ALDH1A1: variants seen among roughly 807,000 people sequenced by gnomAD.
ALDH1A1 encodes aldehyde dehydrogenase 1A1.
In ALDH1A1, 19 loss-of-function variants were observed where a neutral mutation model predicts 62.1. The observed-to-expected ratio is 0.31, with a 90% confidence interval of 0.21 to 0.45. The LOEUF (loss-of-function observed/expected upper bound fraction) is 0.45. ALDH1A1 is among the 20% of genes least tolerant of loss of function. ALDH1A1 has a pLI of 1.00. For missense variants in ALDH1A1, 521 were observed against 607.1 expected, an observed-to-expected ratio of 0.86 and a Z score of 1.49; for synonymous variants, 231 against 215.9, an observed-to-expected ratio of 1.07 and a Z score of -0.61.
At chr9:72,919,348 T>C (rs571360063) in intron 7 of ALDH1A1, among the ~76,000 whole-genome samples, 3 of 152,308 alleles carry the variant, frequency 2.0e-5, no homozygotes, top group African/African-American at 7.2e-5. Context: ...ACATATTCAC[T>C]ACCTCTTGAA....
intron 2 of ALDH1A1, among the ~76,000 whole-genome samples, chr9:72,938,603 T>A (rs935177497): frequency 2.6e-5 from 4 of 152,060 alleles, no homozygotes; most frequent in African/African-American, 9.7e-5. Context: ...TGCGCCACCA[T>A]GCCCAGCTAA....
In ALDH1A1 at chr9:72,901,215, T is replaced by C. The variant is rs1375693325; in HGVS notation, c.1499A>G (p.Asn500Ser). 2 of 1,605,768 alleles carry C rather than the reference T, an allele frequency of 1.2e-6. No individual in the cohort carries two copies. The highest frequency in any genetic ancestry group is 1.7e-6 in the Non-Finnish European group (2 of 1,173,728). The change falls in exon 13 of 13, where the codon AAC becomes AGC. Residue 500 changes from asparagine to serine, a missense_variant. Coordinates refer to ENST00000297785, the MANE Select transcript of ALDH1A1 (RefSeq NM_000689.5). ...TCCACTCTTGTATTTTCTTTATGAGTTCTTCTGAGAGATTTTCACTGTGAC... is the reference window on the plus strand; with the variant it reads ...TCCACTCTTGTATTTTCTTTATGAGCTCTTCTGAGAGATTTTCACTGTGAC... ...KTVTVKISQK[N>S]S
At chr9:72,932,964 C>T (rs1391947625) in intron 2 of ALDH1A1, among the ~76,000 whole-genome samples, 1 of 152,170 alleles carries the variant, frequency 6.6e-6, no homozygotes, top group African/African-American at 2.4e-5. Flanking sequence ...ATACGGAGAA[C>T]TGGCTTCAAG....
intron 1 of ALDH1A1, among the ~76,000 whole-genome samples, chr9:72,942,956 A>T (rs1376715962): frequency 6.6e-6 from 1 of 152,108 alleles, no homozygotes; most frequent in Non-Finnish European, 1.5e-5. Context: ...AGATATCTAC[A>T]TATCAGCCCA....
intron 5 of ALDH1A1, 70 bp downstream of exon 5, chr9:72,927,046 A>C (rs8187925): frequency 0.028 from 31,154 of 1,111,062 alleles, 901 homozygotes; most frequent in South Asian, 0.088. Flanking sequence ...GTTTTAGAGA[A>C]AGCTTCATCA....
intron 9 of ALDH1A1, 77 bp from the exon 10 acceptor site, chr9:72,912,199 G>C (rs1347428406): frequency 7.7e-7 from 1 of 1,300,956 alleles, no homozygotes; most frequent in Non-Finnish European, 1.1e-6. Flanking sequence ...CTGTTAACAA[G>C]GGCTTCAAAA....
chr9:72,938,230 T>G (rs1035635369), intron 2 of ALDH1A1, among the ~76,000 whole-genome samples: 2 of 152,084 alleles, frequency 1.3e-5, no homozygotes, highest in Non-Finnish European at 2.9e-5. Context: ...CCCAGTAGTC[T>G]TTTCCTGCAG....
At chr9:72,901,543 C>G (rs1251953860) in intron 12 of ALDH1A1, among the ~76,000 whole-genome samples, 1 of 151,972 alleles carries the variant, frequency 6.6e-6, no homozygotes, top group African/African-American at 2.4e-5. Context: ...CATAAATTGT[C>G]CCCTTTTGAC....
At chr9:72,948,653 CA>C (rs1314549907) in intron 1 of ALDH1A1, among the ~76,000 whole-genome samples, 8 of 151,880 alleles carry the variant, frequency 5.3e-5, no homozygotes, top group Non-Finnish European at 2.9e-5. Flanking sequence ...TCTCAGCTTT[CA>C]GTTATTTTGC....
chr9:72,928,270 T>C (rs1830235968), intron 4 of ALDH1A1, among the ~76,000 whole-genome samples: 1 of 152,100 alleles, frequency 6.6e-6, no homozygotes, highest in South Asian at 2.1e-4. Flanking sequence ...ACATGAAATA[T>C]CTTTAGTATT....
At chr9:72,906,316 T>C (rs1247633588) in intron 11 of ALDH1A1, among the ~76,000 whole-genome samples, 1 of 152,170 alleles carries the variant, frequency 6.6e-6, no homozygotes, top group African/African-American at 2.4e-5. Context: ...AAAGATAGAA[T>C]AGTCACTATG....
chr9:72,944,510 T>C (rs1271474090), intron 1 of ALDH1A1, among the ~76,000 whole-genome samples: 9 of 152,066 alleles, frequency 5.9e-5, no homozygotes, highest in Non-Finnish European at 1.0e-4. Flanking sequence ...GAGCTTTACA[T>C]TGGGCATTTG....
Position 72,900,829 on chromosome 9 carries a change from A to G in ALDH1A1, c.*379T>C. ...GAACAGAGCAATTTACTCTGCAGTT[A>G]ACGTGTATGTTAAGTACTTCAAGAG... On this transcript the variant is annotated 3_prime_UTR_variant, in exon 13 of 13. Transcript: ENST00000297785. 6.1e-6 allele frequency: 1 copy of G among 163,602 alleles called. No individual in the cohort carries two copies. 10.1% of individuals were successfully genotyped at this position (163,602 alleles called of 1,614,324 possible).
chr9:72,938,457 T>A (rs550241856), intron 2 of ALDH1A1, among the ~76,000 whole-genome samples: 26 of 152,276 alleles, frequency 1.7e-4, no homozygotes, highest in South Asian at 1.0e-3. Flanking sequence ...TTTTATTTTT[T>A]ATTTTTTGAG....
At chr9:72,929,105 G>C (rs1201104198) in intron 3 of ALDH1A1, 84 bp from the exon 4 acceptor site, 1 of 1,437,414 alleles carries the variant, frequency 7.0e-7, no homozygotes, top group African/African-American at 1.4e-5. Context: ...GCAATCATGT[G>C]CTAGGGAATT....
At chr9:72,948,880 A>G (rs1830504510) in intron 1 of ALDH1A1, among the ~76,000 whole-genome samples, 1 of 151,820 alleles carries the variant, frequency 6.6e-6, no homozygotes, top group African/African-American at 2.4e-5. Flanking sequence ...AAACAAGCAA[A>G]GGGGACAAAG....
At chr9:72,925,406 G>A in intron 6 of ALDH1A1, 78 bp downstream of exon 6, 1 of 1,518,616 alleles carries the variant, frequency 6.6e-7, no homozygotes, top group South Asian at 1.2e-5. Context: ...GTACTTTATA[G>A]TAGCAACAAA....
rs973323120 is a variant in ALDH1A1, at chr9:72,923,836, A to G, written c.747+183T>C. On this transcript the variant is annotated intron_variant, in intron 7 of 12. Coordinates refer to ENST00000297785, the MANE Select transcript of ALDH1A1 (RefSeq NM_000689.5). ...TCTCATTCTGATTTAAAATAGGTGCATCATGTCATTCAAACTACATCTGCT... is the reference window on the plus strand; with the variant it reads ...TCTCATTCTGATTTAAAATAGGTGCGTCATGTCATTCAAACTACATCTGCT... 4 of 419,322 alleles carry G rather than the reference A, an allele frequency of 9.5e-6. No individual in the cohort carries two copies. The Admixed American group carries it at 1.7e-4, about 18-fold the overall frequency. 26.0% of individuals were successfully genotyped at this position (419,322 alleles called of 1,614,324 possible). A position where few individuals can be genotyped will look rare whatever the true frequency, so the allele number is the denominator to read the frequency against.
intron 1 of ALDH1A1, 81 bp from the exon 2 acceptor site, chr9:72,940,333 G>A (rs756738145): frequency 1.0e-6 from 1 of 975,510 alleles, no homozygotes; most frequent in Non-Finnish European, 1.6e-6. Flanking sequence ...TTAAACTAAA[G>A]CATTTCACCA....
Sources: gnomAD v4.1 joint callset for allele counts (sites outside exome capture counted in the v4.1 genomes callset) on GRCh38, gnomAD v4.1.1 for gene constraint, MANE v1.5 for transcripts, NCBI Gene and HGNC (gene_info 2026-07-23, HGNC 2026-07-21) for gene names.